ENAH: variants seen among roughly 807,000 people sequenced by gnomAD.
ENAH encodes the protein protein enabled homolog.
ENAH carries 23 observed loss-of-function variants against 78.7 expected under a neutral mutation model. The observed-to-expected ratio is 0.29, with a 90% CI of 0.21 to 0.41. ENAH has a LOEUF of 0.41. Among genes scored for constraint, ENAH ranks in the 10% least tolerant of loss-of-function variants. ENAH has a pLI of 1.00. For missense variants in ENAH, 544 were observed against 691.0 expected, an observed-to-expected ratio of 0.79 and a Z score of 2.39; for synonymous variants, 226 against 241.0, an observed-to-expected ratio of 0.94 and a Z score of 0.58.
intron 1 of ENAH, among the ~76,000 whole-genome samples, chr1:225,591,744 G>A (rs1365553673): frequency 5.1e-5 from 6 of 118,472 alleles, no homozygotes; most frequent in East Asian, 5.2e-4. Context: ...CAGCCTGGGC[G>A]ACAGAGACAG....
At chr1:225,519,876 CAA>C (rs1330360104) in intron 4 of ENAH, among the ~76,000 whole-genome samples, 1 of 152,144 alleles carries the variant, frequency 6.6e-6, no homozygotes, top group Non-Finnish European at 1.5e-5. Context: ...CTTTAATAAC[CAA>C]GTCATTATTT....
chr1:225,541,508 C>A (rs1045377672), intron 3 of ENAH, among the ~76,000 whole-genome samples: 12 of 151,900 alleles, frequency 7.9e-5, no homozygotes, highest in African/African-American at 2.9e-4. Context: ...ATACTAAAAC[C>A]ACTGAATTGT....
chr1:225,591,091 T>C (rs990960367), intron 1 of ENAH, among the ~76,000 whole-genome samples: 8 of 152,234 alleles, frequency 5.3e-5, no homozygotes, highest in African/African-American at 1.4e-4. Flanking sequence ...GATTTTATTA[T>C]AGAATTGTTG....
At chr1:225,535,023 A>G (rs2096555114) in intron 3 of ENAH, among the ~76,000 whole-genome samples, 1 of 152,150 alleles carries the variant, frequency 6.6e-6, no homozygotes, top group Non-Finnish European at 1.5e-5. Context: ...GCTGTCAATC[A>G]GAAATCAACC....
At chr1:225,608,545 G>A (rs748210276) in intron 1 of ENAH, among the ~76,000 whole-genome samples, 42 of 151,946 alleles carry the variant, frequency 2.8e-4, no homozygotes, top group African/African-American at 9.7e-4. Context: ...GCCAGGCACC[G>A]TGGCTCACGC....
chr1:225,578,476 T>C (rs187179789), intron 1 of ENAH, among the ~76,000 whole-genome samples: 220 of 152,072 alleles, frequency 1.4e-3, no homozygotes, highest in African/African-American at 5.0e-3. Context: ...CACTCTCTCT[T>C]AAAAAAGGAA....
At chr1:225,624,601 G>A (rs913981811) in intron 1 of ENAH, among the ~76,000 whole-genome samples, 1 of 151,834 alleles carries the variant, frequency 6.6e-6, no homozygotes, top group African/African-American at 2.4e-5. Context: ...TCCAACCTGG[G>A]CGACAGAGTA....
chr1:225,645,554 G>A (rs1222107742), intron 1 of ENAH, among the ~76,000 whole-genome samples: 1 of 152,134 alleles, frequency 6.6e-6, no homozygotes, highest in African/African-American at 2.4e-5. Flanking sequence ...AGGAATTGCT[G>A]GGTCATACGA....
intron 1 of ENAH, among the ~76,000 whole-genome samples, chr1:225,599,770 TG>T (rs1395528196): frequency 7.6e-6 from 1 of 131,196 alleles, no homozygotes; most frequent in Non-Finnish European, 1.5e-5. Flanking sequence ...CACTCCAGCC[TG>T]GGCGACAGGG....
intron 1 of ENAH, among the ~76,000 whole-genome samples, chr1:225,643,795 G>A (rs1487245579): frequency 6.6e-6 from 1 of 152,008 alleles, no homozygotes; most frequent in Non-Finnish European, 1.5e-5. Flanking sequence ...ACAATTAGAG[G>A]GTGTGGTGGC....
chr1:225,648,758 CTTTTT>C (rs57529265), intron 1 of ENAH, among the ~76,000 whole-genome samples: 4 of 134,692 alleles, frequency 3.0e-5, no homozygotes, highest in Non-Finnish European at 3.2e-5. Context: ...AGATTATCTC[CTTTTT>C]TTTTTTTTTT....
intron 2 of ENAH, among the ~76,000 whole-genome samples, chr1:225,562,982 A>G (rs2096716051): frequency 6.6e-6 from 1 of 152,034 alleles, no homozygotes; most frequent in South Asian, 2.1e-4. Context: ...CAAAAAAAAA[A>G]AACCCGAAAT....
chr1:225,530,500 G>A, intron 4 of ENAH, 54 bp downstream of exon 4: 2 of 1,406,678 alleles, frequency 1.4e-6, no homozygotes, highest in Non-Finnish European at 2.0e-6. Flanking sequence ...AGGATGTTCA[G>A]TTTTGTCTTC....
chr1:225,543,625 C>G (rs1353990434), intron 3 of ENAH, among the ~76,000 whole-genome samples: 1 of 152,174 alleles, frequency 6.6e-6, no homozygotes, highest in Admixed American at 6.5e-5. Context: ...CTTATACTAT[C>G]TACACAATTA....
Position 225,520,913 on chromosome 1 carries a change from G to A in ENAH, c.435-1348C>T, listed in dbSNP as rs541699654. On this transcript the variant is annotated intron_variant, in intron 4 of 13. Coordinates refer to ENST00000366843, the MANE Select transcript of ENAH (RefSeq NM_018212.6). ...GGGGAAGGAAGAAAAAGAAGGGAAGGAAGGGAGGAAGGGAGGGAGGGAGGG... is the reference window on the plus strand; with the variant it reads ...GGGGAAGGAAGAAAAAGAAGGGAAGAAAGGGAGGAAGGGAGGGAGGGAGGG... Among the ~76,000 whole-genome samples, 476 of 95,030 alleles carry A rather than the reference G, an allele frequency of 5.0e-3. 2 individuals carry two copies. The highest frequency in any genetic ancestry group is 8.9e-3 in the Middle Eastern group (1 of 112). The allele number at this position is 95,030 out of a possible 152,430, so 62.3% of individuals were successfully genotyped here. A position where few individuals can be genotyped will look rare whatever the true frequency, so the allele number is the denominator to read the frequency against.
upstream of ENAH, among the ~76,000 whole-genome samples, chr1:225,653,333 ACGGCGG>A (rs559736104): frequency 6.7e-6 from 1 of 149,862 alleles, no homozygotes; most frequent in Non-Finnish European, 1.5e-5. The surrounding 1 kb of genome is among the most constrained non-coding windows in gnomAD (Gnocchi z 4.3). Flanking sequence ...AGCGAGCGCG[ACGGCGG>A]CGGCGGCGGA....
rs1370736727 is a variant in ENAH at position 225,653,040 on chromosome 1, CCGCCGCTCCACAGGCCCGCGCT to C, written c.-372_-351del. On this transcript the variant is annotated 5_prime_UTR_variant, in exon 1 of 14. Coordinates refer to ENST00000366843, the MANE Select transcript of ENAH (RefSeq NM_018212.6). The surrounding 1 kb of genome is among the most constrained non-coding windows in gnomAD (Gnocchi z 4.3). The stretch of plus-strand genomic sequence containing the variant: ...GTGCCCGCCGGGGCCGCGCGCCCGG[CCGCCGCTCCACAGGCCCGCGCT>C]CGCCGCGCCGCCGCCGAGGCCGTGT... The C allele has an allele frequency of 8.4e-5, 15 of 178,494 alleles. No homozygotes were observed. Among genetic ancestry groups the C allele is most frequent in the Non-Finnish European group, 1.5e-4 (13 of 85,466 alleles). The allele number at this position is 178,494 out of a possible 1,614,324, so 11.1% of individuals were successfully genotyped here.
At position 225,488,847 on chromosome 1, in the gene ENAH, C is replaced by T. The variant is rs1268643146; in HGVS notation, c.*8928G>A. The T allele has an allele frequency of 6.6e-6, 1 of 152,232 alleles. No individual in the cohort carries two copies. The highest frequency in any genetic ancestry group is 1.5e-5 in the Non-Finnish European group (1 of 68,040). The allele number at this position is 152,232 out of a possible 1,614,324, so 9.4% of individuals were successfully genotyped here. On this transcript the variant is annotated 3_prime_UTR_variant, in exon 14 of 14. Transcript: ENST00000366843. Reference sequence around the variant, plus strand: ...TTATCTTCCTAAGACGAAGCAAAGACTCAGAGCCCTCAAATGGCACGGAAG... The same window carrying T: ...TTATCTTCCTAAGACGAAGCAAAGATTCAGAGCCCTCAAATGGCACGGAAG...
intron 1 of ENAH, among the ~76,000 whole-genome samples, chr1:225,648,280 A>C (rs777653228): frequency 6.6e-6 from 1 of 152,218 alleles, no homozygotes; most frequent in Admixed American, 6.5e-5. Flanking sequence ...ACAACCATAT[A>C]AAAATTGAAA....
Sources: allele counts gnomAD v4.1 joint callset (sites outside exome capture counted in the v4.1 genomes callset), GRCh38; gene constraint gnomAD v4.1.1; non-coding constraint Gnocchi (gnomAD v3.1); transcripts MANE v1.5; gene names NCBI Gene and HGNC (gene_info 2026-07-23, HGNC 2026-07-21).